Variants in INSYN2B observed in about 807,000 individuals in gnomAD.
INSYN2B encodes the protein protein INSYN2B.
In INSYN2B, 16 loss-of-function variants were observed where a neutral mutation model predicts 41.2. That is an observed-to-expected ratio of 0.39 (90% CI 0.26 to 0.59). The LOEUF (loss-of-function observed/expected upper bound fraction) is 0.59. Ranked by LOEUF, INSYN2B falls within the 20% of genes least tolerant of loss-of-function variation. INSYN2B has a pLI of 0.57. For synonymous variants in INSYN2B, 245 were observed against 244.4 expected (o/e 1.00, Z -0.02); for missense variants, 608 against 646.4 (o/e 0.94, Z 0.64).
chr5:169,916,008 T>C (rs533118837), intron 1 of INSYN2B, among the ~76,000 whole-genome samples: 3 of 152,328 alleles, frequency 2.0e-5, no homozygotes, highest in Admixed American at 2.0e-4. Flanking sequence ...ATTACAAATG[T>C]TCTCAGATTC....
chr5:169,866,956 A>G (rs1434252051), intron 3 of INSYN2B, among the ~76,000 whole-genome samples: 3 of 152,194 alleles, frequency 2.0e-5, no homozygotes, highest in Admixed American at 6.5e-5. Context: ...TTGGGGGCTC[A>G]ATCCCACAAG....
At chr5:169,881,564 G>T in intron 2 of INSYN2B, 122 bp from the exon 3 acceptor site, 4 of 709,196 alleles carry the variant, frequency 5.6e-6, no homozygotes, top group Middle Eastern at 3.7e-4. Context: ...AAGTTGCACG[G>T]CCATTACAAA....
At chr5:169,933,373 GTGAGATGGGC>G (rs1775845813) in intron 1 of INSYN2B, among the ~76,000 whole-genome samples, 1 of 152,214 alleles carries the variant, frequency 6.6e-6, no homozygotes, top group African/African-American at 2.4e-5. Flanking sequence ...TCATTAGTTT[GTGAGATGGGC>G]TGGCATCCAA....
chr5:169,925,504 C>T (rs745972439), intron 1 of INSYN2B, among the ~76,000 whole-genome samples: 2 of 147,926 alleles, frequency 1.4e-5, no homozygotes, highest in Non-Finnish European at 3.0e-5. Context: ...CGCTTGAACC[C>T]AGGAGGTGGA....
chr5:169,898,315 T>G (rs896879067), intron 1 of INSYN2B, among the ~76,000 whole-genome samples: 1 of 152,222 alleles, frequency 6.6e-6, no homozygotes, highest in African/African-American at 2.4e-5. Context: ...ACCATGTGAT[T>G]GGTGCCTGCA....
chr5:169,929,571 T>TAACAAC (rs571979151), intron 1 of INSYN2B, among the ~76,000 whole-genome samples: 2 of 151,538 alleles, frequency 1.3e-5, no homozygotes, highest in Non-Finnish European at 2.9e-5. Context: ...ACCTTGTCTC[T>TAACAAC]AACAACAACA....
intron 3 of INSYN2B, among the ~76,000 whole-genome samples, chr5:169,872,438 A>C (rs951591578): frequency 6.6e-6 from 1 of 152,148 alleles, no homozygotes; most frequent in Non-Finnish European, 1.5e-5. Flanking sequence ...AAGTTTGCTC[A>C]TTTTTTATAG....
At chr5:169,922,157 C>G (rs112448323) in intron 1 of INSYN2B, among the ~76,000 whole-genome samples, 3,486 of 152,302 alleles carry the variant, frequency 0.023, 55 homozygotes, top group Middle Eastern at 0.065. Context: ...TCAATATTTG[C>G]ATAGCTAGGG....
At chr5:169,955,921 AG>A (rs1323050053) in intron 1 of INSYN2B, among the ~76,000 whole-genome samples, 1 of 152,114 alleles carries the variant, frequency 6.6e-6, no homozygotes, top group East Asian at 1.9e-4. Context: ...GAACAAGCCA[AG>A]TGTGCTTTGG....
chr5:169,926,272 C>T (rs1775451161), intron 1 of INSYN2B, among the ~76,000 whole-genome samples: 1 of 152,176 alleles, frequency 6.6e-6, no homozygotes, highest in Non-Finnish European at 1.5e-5. Flanking sequence ...ACCTGCAGAC[C>T]CTGCTCCTTA....
rs80096788 is a variant in INSYN2B at position 169,972,803 on chromosome 5, A to C, written c.-919+7474T>G. 3.2e-3 allele frequency among the ~76,000 whole-genome samples: 488 copies of C among 152,264 alleles called. 4 individuals carry two copies. Among genetic ancestry groups the C allele is most frequent in the Non-Finnish European group, 5.4e-3 (364 of 68,032 alleles). ...TAGGAAGCGGGAAAAATGTTCTCCA[A>C]TGTGGACTAAGAATTACACCTTCAG... On this transcript the variant is annotated intron_variant, in intron 1 of 3. Coordinates refer to ENST00000377365, the MANE Select transcript of INSYN2B (RefSeq NM_001129891.3).
At chr5:169,926,490 G>T (rs1395070213) in intron 1 of INSYN2B, among the ~76,000 whole-genome samples, 5 of 152,208 alleles carry the variant, frequency 3.3e-5, no homozygotes, top group African/African-American at 1.2e-4. Flanking sequence ...AGGTGGCCAT[G>T]TTCAAAGAAA....
At chr5:169,897,119 CT>C (rs1401725955) in intron 1 of INSYN2B, among the ~76,000 whole-genome samples, 1 of 152,128 alleles carries the variant, frequency 6.6e-6, no homozygotes, top group African/African-American at 2.4e-5. Flanking sequence ...AAATTTTAGG[CT>C]TTCTCTATGA....
At chr5:169,886,215 A>C (rs4867897) in intron 1 of INSYN2B, among the ~76,000 whole-genome samples, 1 of 152,004 alleles carries the variant, frequency 6.6e-6, no homozygotes, top group African/African-American at 2.4e-5. Flanking sequence ...CAGAATGAGC[A>C]GAGTTTCATG....
intron 1 of INSYN2B, among the ~76,000 whole-genome samples, chr5:169,905,575 C>T (rs181717908): frequency 1.1e-4 from 17 of 152,306 alleles, no homozygotes; most frequent in South Asian, 1.0e-3. Context: ...TAATGTCACT[C>T]GCTCTTCAAG....
intron 3 of INSYN2B, among the ~76,000 whole-genome samples, chr5:169,867,595 T>C (rs1046779978): frequency 6.6e-6 from 1 of 150,824 alleles, no homozygotes; most frequent in Non-Finnish European, 1.5e-5. Context: ...TCTATCGTTA[T>C]CTATCCATCT....
chr5:169,913,768 C>T (rs1199581027), intron 1 of INSYN2B, among the ~76,000 whole-genome samples: 1 of 152,128 alleles, frequency 6.6e-6, no homozygotes, highest in African/African-American at 2.4e-5. Context: ...ATTGGTCTAA[C>T]CCTCTTATTT....
intron 1 of INSYN2B, among the ~76,000 whole-genome samples, chr5:169,948,525 C>G (rs1776534318): frequency 6.6e-6 from 1 of 152,030 alleles, no homozygotes; most frequent in South Asian, 2.1e-4. Context: ...CACATAGAAA[C>G]ACATATACAT....
intron 1 of INSYN2B, among the ~76,000 whole-genome samples, chr5:169,901,934 C>T (rs1160800480): frequency 6.6e-6 from 1 of 152,178 alleles, no homozygotes; most frequent in Admixed American, 6.5e-5. Flanking sequence ...CCACAGTGCC[C>T]TCTCCTACCC....
Sources: allele counts gnomAD v4.1 joint callset (sites outside exome capture counted in the v4.1 genomes callset), GRCh38; gene constraint gnomAD v4.1.1; transcripts MANE v1.5; gene names NCBI Gene and HGNC (gene_info 2026-07-23, HGNC 2026-07-21).